CLPTM1: variants seen among roughly 807,000 people sequenced by gnomAD.
The protein encoded by CLPTM1 is putative lipid scramblase CLPTM1.
A neutral mutation model predicts 77.3 loss-of-function variants in CLPTM1; 21 were observed. That is an observed-to-expected ratio of 0.27 (90% CI 0.19 to 0.39). The LOEUF (loss-of-function observed/expected upper bound fraction) is 0.39. CLPTM1 is among the 10% of genes least tolerant of loss of function. The probability of loss-of-function intolerance (pLI) is 1.00; values close to 1 mark genes in which losing one functional copy is unlikely to be tolerated. For synonymous variants in CLPTM1, 373 were observed against 381.0 expected, an observed-to-expected ratio of 0.98 and a Z score of 0.24; for missense variants, 642 against 921.2, an observed-to-expected ratio of 0.70 and a Z score of 3.92.
At position 44,990,592 on chromosome 19, in the gene CLPTM1, C is replaced by G. The variant is rs199850121; in HGVS notation, c.1323+7C>G. ...CAAGGTCATGGACGTCCGGGTAAGG[C>G]TGGGGCGCCATGCTGTCTCGGGAGC... On this transcript the variant is annotated splice_region_variant and intron_variant, in intron 10 of 13. Transcript: ENST00000337392. This position sits in a 1 kb window ranked among gnomAD's most constrained non-coding sequence, Gnocchi z 4.8. 1.3e-5 allele frequency: 21 copies of G among 1,612,164 alleles called. No homozygotes were observed. The Admixed American group carries it at 3.3e-4, about 26-fold the overall frequency.
chr19:44,984,062 T>G (rs763755375), intron 5 of CLPTM1, among the ~76,000 whole-genome samples: 2 of 152,230 alleles, frequency 1.3e-5, no homozygotes, highest in African/African-American at 2.4e-5. Context: ...TGGGACAACA[T>G]GGCAGGGGGC....
At chr19:44,958,556 G>C (rs988052642) in intron 1 of CLPTM1, among the ~76,000 whole-genome samples, 21 of 152,112 alleles carry the variant, frequency 1.4e-4, no homozygotes, top group Non-Finnish European at 2.4e-4. Context: ...ATTTTTAGTA[G>C]AGACAGGGTT....
In CLPTM1 at chr19:44,992,732, C is replaced by T. The variant is rs1971098306; in HGVS notation, c.1845C>T (p.Pro615=). ...CTGCCGCCCCCGTGGCCGAGGTTCC[C>T]ACAGCAGCAGGGGCCCTCACGCCCA... ...PTAAAPVAEV[P]TAAGALTPTP... The change falls in exon 14 of 14, where the codon CCC becomes CCT. Residue 615 remains proline, a synonymous_variant. Transcript: ENST00000337392. This position sits in a 1 kb window ranked among gnomAD's most constrained non-coding sequence, Gnocchi z 7.7. The T allele has an allele frequency of 1.9e-6, 3 of 1,613,344 alleles. No individual in the cohort carries two copies. Among genetic ancestry groups the T allele is most frequent in the South Asian group, 1.1e-5 (1 of 91,080 alleles).
At chr19:44,977,276 G>C in intron 4 of CLPTM1, 67 bp from the exon 5 acceptor site, 1 of 1,160,760 alleles carries the variant, frequency 8.6e-7, no homozygotes, top group Non-Finnish European at 1.3e-6. Flanking sequence ...TGGGTGCCAG[G>C]CAGGGCTTTA....
intron 4 of CLPTM1, among the ~76,000 whole-genome samples, chr19:44,975,555 T>G (rs1189742505): frequency 2.7e-5 from 4 of 147,216 alleles, no homozygotes; most frequent in Admixed American, 6.8e-5. Context: ...GTCATTCTGG[T>G]TTTTTTTTTT....
upstream of CLPTM1, chr19:44,954,741 G>C (rs1970429797): frequency 2.3e-6 from 3 of 1,310,570 alleles, no homozygotes; most frequent in Admixed American, 3.4e-5. Context: ...TGCTAGGCAG[G>C]GCAGTCCGAA....
intron 2 of CLPTM1, among the ~76,000 whole-genome samples, chr19:44,971,517 G>C (rs1970717610): frequency 6.6e-6 from 1 of 152,082 alleles, no homozygotes; most frequent in Admixed American, 6.6e-5. Flanking sequence ...CTAAGCTTCT[G>C]TGCCTTCGGT....
intron 1 of CLPTM1, among the ~76,000 whole-genome samples, 187 bp from the exon 2 acceptor site, chr19:44,961,776 C>G (rs898742779): frequency 1.3e-5 from 2 of 152,232 alleles, no homozygotes; most frequent in East Asian, 3.8e-4. Flanking sequence ...CACAGAGGTG[C>G]TCTGCGAGTG....
chr19:44,987,970 C>T, intron 8 of CLPTM1, 110 bp from the exon 9 acceptor site: 1 of 795,192 alleles, frequency 1.3e-6, no homozygotes. Flanking sequence ...TCCTGGCTGG[C>T]CCACCTTCAG....
chr19:44,993,053 C>T lies in CLPTM1; in HGVS notation c.*156C>T. 1 of 909,538 alleles carries T rather than the reference C, an allele frequency of 1.1e-6. No individual in the cohort carries two copies. Among genetic ancestry groups the T allele is most frequent in the South Asian group, 1.4e-5 (1 of 72,008 alleles). 56.3% of individuals were successfully genotyped at this position (909,538 alleles called of 1,614,324 possible). On this transcript the variant is annotated 3_prime_UTR_variant, in exon 14 of 14. Coordinates refer to ENST00000337392, the MANE Select transcript of CLPTM1 (RefSeq NM_001294.4). ...CAGGGCCCAGCGTGTGATGTAGGGG[C>T]CGGGGCAGGCCAGGGTTTGTTTGTG... is the stretch of plus-strand genomic sequence containing the variant.
chr19:44,981,664 G>C (rs934646852), intron 5 of CLPTM1, among the ~76,000 whole-genome samples: 2 of 151,720 alleles, frequency 1.3e-5, no homozygotes, highest in African/African-American at 4.8e-5. Flanking sequence ...TGTAATCCCA[G>C]CACTTTGGGA....
chr19:44,976,393 G>A (rs1047972932), intron 4 of CLPTM1, among the ~76,000 whole-genome samples: 1 of 152,214 alleles, frequency 6.6e-6, no homozygotes, highest in African/African-American at 2.4e-5. Flanking sequence ...GCTGAGGTGG[G>A]AGAATGGCCA....
chr19:44,990,670 C>G lies in CLPTM1; in HGVS notation c.1323+85C>G. 6.7e-7 allele frequency: 1 copy of G among 1,492,460 alleles called. No individual in the cohort carries two copies. Among genetic ancestry groups the G allele is most frequent in the Non-Finnish European group, 9.2e-7 (1 of 1,085,442 alleles). 92.5% of individuals were successfully genotyped at this position (1,492,460 alleles called of 1,614,324 possible). A position where few individuals can be genotyped will look rare whatever the true frequency, so the allele number is the denominator to read the frequency against. Reference sequence around the variant, plus strand: ...CCCAGCTGGACCCTGGAGCTGGCCCCCGGGGGATTCCCAGCAAGTGCCTCA... The same window carrying G: ...CCCAGCTGGACCCTGGAGCTGGCCCGCGGGGGATTCCCAGCAAGTGCCTCA... On this transcript the variant is annotated intron_variant, in intron 10 of 13. Coordinates refer to ENST00000337392, the MANE Select transcript of CLPTM1 (RefSeq NM_001294.4). This position sits in a 1 kb window ranked among gnomAD's most constrained non-coding sequence, Gnocchi z 4.8.
chr19:44,966,873 G>A (rs1036741696), intron 2 of CLPTM1, among the ~76,000 whole-genome samples: 2 of 151,012 alleles, frequency 1.3e-5, no homozygotes, highest in East Asian at 1.9e-4. Context: ...ACAGAATCTC[G>A]CTCCGTCGCC....
At position 44,990,868 on chromosome 19, in the gene CLPTM1, G is replaced by A. The variant is rs757706926; in HGVS notation, c.1342G>A (p.Val448Met). 2.5e-6 allele frequency: 4 copies of A among 1,613,844 alleles called. No individual in the cohort carries two copies. Among genetic ancestry groups the A allele is most frequent in the Non-Finnish European group, 1.7e-6 (2 of 1,179,864 alleles). The change falls in exon 11 of 14, where the codon GTG becomes ATG. Residue 448 changes from valine to methionine, a missense_variant. Coordinates refer to ENST00000337392, the MANE Select transcript of CLPTM1 (RefSeq NM_001294.4). The surrounding 1 kb of genome is among the most constrained non-coding windows in gnomAD (Gnocchi z 4.8). ...TCCACAGCTGGACCGAGAGCACAGG[G>A]TGGCAGGAATCTTCCCCCGCCTATC... Reference protein sequence around the residue: ...MDVRLDREHRVAGIFPRLSFK... With the variant: ...MDVRLDREHRMAGIFPRLSFK...
intron 2 of CLPTM1, among the ~76,000 whole-genome samples, chr19:44,965,844 A>G (rs1423670641): frequency 6.6e-6 from 1 of 152,108 alleles, no homozygotes; most frequent in African/African-American, 2.4e-5. Context: ...AAATAAAACA[A>G]TCATTCCTTT....
intron 5 of CLPTM1, among the ~76,000 whole-genome samples, chr19:44,980,508 C>CAAAAAA (rs74516090): frequency 8.6e-5 from 8 of 93,076 alleles, no homozygotes; most frequent in African/African-American, 1.7e-4. Flanking sequence ...GACTCCATCT[C>CAAAAAA]AAAAAAAAAA....
In CLPTM1 at chr19:44,992,385, G is replaced by A. The variant is rs548487634; in HGVS notation, c.1708G>A (p.Gly570Ser). ...CAAGATGCCCGTTATGTACCGGATC[G>A]GCTGCCTGCGGGACGGTGAGGCCCG... ...VIKMPVMYRI[G>S]CLRDDVVFFI... Residue 570 changes from glycine (G) to serine (S), a missense_variant, in exon 13 of 14, where the codon GGC becomes AGC. Coordinates refer to ENST00000337392, the MANE Select transcript of CLPTM1 (RefSeq NM_001294.4). This position sits in a 1 kb window ranked among gnomAD's most constrained non-coding sequence, Gnocchi z 7.7. 8.7e-6 allele frequency: 14 copies of A among 1,614,114 alleles called. No homozygotes were observed. The highest frequency in any genetic ancestry group is 1.3e-5 in the African/African-American group (1 of 75,030).
chr19:44,988,275 T>C, intron 9 of CLPTM1, 102 bp downstream of exon 9: 1 of 875,452 alleles, frequency 1.1e-6, no homozygotes, highest in South Asian at 1.4e-5. Flanking sequence ...TCCCCCTGCC[T>C]GGGGTCTCTC....
Sources: gnomAD v4.1 joint callset for allele counts (sites outside exome capture counted in the v4.1 genomes callset) on GRCh38, gnomAD v4.1.1 for gene constraint, Gnocchi (gnomAD v3.1) non-coding constraint, MANE v1.5 for transcripts, NCBI Gene and HGNC (gene_info 2026-07-23, HGNC 2026-07-21) for gene names.